Variants in PCSK5 observed in about 807,000 individuals in gnomAD.
PCSK5 encodes proprotein convertase subtilisin/kexin type 5, also known as prohormone convertase 5.
Under a neutral mutation model 233.2 loss-of-function variants are expected in PCSK5, and 129 were observed. The ratio of observed to expected loss-of-function variants is 0.55; its 90% CI spans 0.48 to 0.64. The LOEUF is 0.64. Among genes scored for constraint, PCSK5 ranks in the 30% least tolerant of loss-of-function variants. The pLI, the probability that PCSK5 is intolerant of heterozygous loss-of-function variation, is 0.00. For synonymous variants in PCSK5, 825 were observed against 879.2 expected, an observed-to-expected ratio of 0.94 and a Z score of 1.09; for missense variants, 2,076 against 2,430.1, an observed-to-expected ratio of 0.85 and a Z score of 3.06.
intron 20 of PCSK5, among the ~76,000 whole-genome samples, chr9:76,218,100 G>A (rs1417485915): frequency 2.0e-5 from 3 of 151,670 alleles, no homozygotes; most frequent in African/African-American, 4.9e-5. Flanking sequence ...CCCAAGTTCT[G>A]AACCTGACTT....
At chr9:75,987,085 C>T (rs1826548695) in intron 3 of PCSK5, among the ~76,000 whole-genome samples, 1 of 152,088 alleles carries the variant, frequency 6.6e-6, no homozygotes, top group South Asian at 2.1e-4. Context: ...ATTCCTGTTC[C>T]TGCTTCTTTA....
chr9:75,997,744 A>G (rs1293393943), intron 3 of PCSK5, among the ~76,000 whole-genome samples: 2 of 152,182 alleles, frequency 1.3e-5, no homozygotes, highest in Admixed American at 1.3e-4. Flanking sequence ...TATTGTTTCC[A>G]TGATTAAAAA....
chr9:76,103,567 AG>A lies in PCSK5; in HGVS notation c.1108-3681del, dbSNP rs962845970. On this transcript the variant is annotated intron_variant, in intron 8 of 37. Transcript: ENST00000674117. ...GTGAAATACTAGGACATAATTGCTT[AG>A]GGTGAGAAAAAGTGATGGTTCATCT... Among the ~76,000 whole-genome samples the A allele has an allele frequency of 1.1e-4, 16 of 152,332 alleles. No individual in the cohort carries two copies. In the East Asian group the frequency reaches 3.1e-3, roughly 29 times the overall value.
chr9:76,359,011 A>C lies in PCSK5; in HGVS notation c.*89A>C, dbSNP rs1830375958. 9.8e-7 allele frequency: 1 copy of C among 1,018,238 alleles called. No individual in the cohort carries two copies. The highest frequency in any genetic ancestry group is 1.5e-6 in the Non-Finnish European group (1 of 685,102). The allele number at this position is 1,018,238 out of a possible 1,614,324, so 63.1% of individuals were successfully genotyped here. A position where few individuals can be genotyped will look rare whatever the true frequency, so the allele number is the denominator to read the frequency against. On this transcript the variant is annotated 3_prime_UTR_variant, in exon 38 of 38. Transcript: ENST00000674117. Reference sequence around the variant, plus strand: ...TTGGTTTTATCCCCACACCAGGCTGATGTGTGAGTTTTTCTATTTGTCTTC... The same window carrying C: ...TTGGTTTTATCCCCACACCAGGCTGCTGTGTGAGTTTTTCTATTTGTCTTC...
At chr9:75,928,639 A>ATATATATATATATAT (rs1587374369) in intron 1 of PCSK5, among the ~76,000 whole-genome samples, 4 of 132,460 alleles carry the variant, frequency 3.0e-5, no homozygotes, top group East Asian at 2.2e-4. Flanking sequence ...ATATATATAT[A>ATATATATATATATAT]ATCCTAGAAG....
At chr9:76,345,061 T>C (rs946756642) in intron 35 of PCSK5, among the ~76,000 whole-genome samples, 172 of 152,306 alleles carry the variant, frequency 1.1e-3, no homozygotes, top group African/African-American at 3.9e-3. Context: ...GTTTGGAGTA[T>C]AAATAACTGT....
chr9:76,241,630 C>A (rs1564129935), intron 24 of PCSK5, among the ~76,000 whole-genome samples: 2 of 152,110 alleles, frequency 1.3e-5, no homozygotes, highest in African/African-American at 2.4e-5. Flanking sequence ...CACATGCCTG[C>A]AGGAGATGAT....
chr9:76,103,537 G>A (rs1831850488), intron 8 of PCSK5, among the ~76,000 whole-genome samples: 1 of 152,126 alleles, frequency 6.6e-6, no homozygotes, highest in Non-Finnish European at 1.5e-5. Flanking sequence ...AACAAGTAAT[G>A]AAATGTGAAA....
At chr9:76,324,599 G>T (rs972362196) in intron 32 of PCSK5, among the ~76,000 whole-genome samples, 6 of 151,814 alleles carry the variant, frequency 4.0e-5, no homozygotes, top group Non-Finnish European at 8.8e-5. Flanking sequence ...CTGCTCCAAG[G>T]TCCCCATTTC....
At chr9:76,185,007 T>G (rs1418519287) in intron 17 of PCSK5, among the ~76,000 whole-genome samples, 2 of 152,276 alleles carry the variant, frequency 1.3e-5, no homozygotes, top group Non-Finnish European at 2.9e-5. Flanking sequence ...CAGATAAAAC[T>G]CAATAAAAAT....
chr9:76,274,675 C>A (rs76900460), intron 24 of PCSK5, among the ~76,000 whole-genome samples: 3,014 of 152,234 alleles, frequency 0.02, 93 homozygotes, highest in African/African-American at 0.067. Flanking sequence ...TGACTATAAA[C>A]CTATGTGATA....
intron 13 of PCSK5, among the ~76,000 whole-genome samples, chr9:76,171,611 G>T (rs1051710324): frequency 1.3e-5 from 2 of 152,140 alleles, no homozygotes; most frequent in Admixed American, 6.6e-5. Context: ...CCCTCAAGAA[G>T]TTCTGAGTCT....
chr9:76,175,514 G>A (rs576248146), intron 14 of PCSK5: 1 of 331,162 alleles, frequency 3.0e-6, no homozygotes, highest in East Asian at 4.6e-5. Context: ...TTCGCTTACA[G>A]AATTTTACAC....
chr9:76,114,065 C>T (rs1832330078), intron 9 of PCSK5, among the ~76,000 whole-genome samples: 1 of 152,008 alleles, frequency 6.6e-6, no homozygotes, highest in South Asian at 2.1e-4. Flanking sequence ...TTCATATACT[C>T]TTAGAGTTTT....
At chr9:76,021,560 TG>T (rs1022421518) in intron 3 of PCSK5, among the ~76,000 whole-genome samples, 6 of 152,016 alleles carry the variant, frequency 3.9e-5, no homozygotes, top group South Asian at 4.2e-4. Flanking sequence ...GTCAGGAAGA[TG>T]GGGGAAAGAT....
chr9:76,356,506 T>C (rs1830307954), intron 37 of PCSK5, among the ~76,000 whole-genome samples: 1 of 152,214 alleles, frequency 6.6e-6, no homozygotes, highest in African/African-American at 2.4e-5. Context: ...ATTCTACTGC[T>C]TCAGGCAGTA....
intron 30 of PCSK5, among the ~76,000 whole-genome samples, chr9:76,319,095 G>A (rs1829114149): frequency 1.3e-5 from 2 of 152,188 alleles, no homozygotes; most frequent in Non-Finnish European, 1.5e-5. Context: ...CTGATGACAT[G>A]TGCCCAAGGT....
intron 5 of PCSK5, among the ~76,000 whole-genome samples, chr9:76,054,935 A>T (rs1458084721): frequency 1.3e-5 from 2 of 152,196 alleles, no homozygotes; most frequent in Non-Finnish European, 2.9e-5. Context: ...CATTTGATAT[A>T]TCTAATGCTA....
chr9:76,262,714 T>A (rs921698715), intron 24 of PCSK5, among the ~76,000 whole-genome samples: 12 of 150,674 alleles, frequency 8.0e-5, no homozygotes, highest in African/African-American at 2.4e-4. Context: ...GACATAGGCA[T>A]GGGCAAGGAC....
Sources: gnomAD v4.1 joint callset for allele counts (sites outside exome capture counted in the v4.1 genomes callset) on GRCh38, gnomAD v4.1.1 for gene constraint, MANE v1.5 for transcripts, NCBI Gene and HGNC (gene_info 2026-07-23, HGNC 2026-07-21) for gene names.